CORO1C: variants seen among roughly 807,000 people sequenced by gnomAD.
The protein encoded by CORO1C is coronin 1C.
A neutral mutation model predicts 51.2 loss-of-function variants in CORO1C; 14 were observed. That is an observed-to-expected ratio of 0.27 (90% CI 0.18 to 0.43). CORO1C has a LOEUF of 0.43. CORO1C is among the 20% of genes least tolerant of loss of function. The pLI is 1.00. For missense variants in CORO1C, 417 were observed against 607.8 expected (o/e 0.69, Z 3.30); for synonymous variants, 181 against 210.5 (o/e 0.86, Z 1.21).
chr12:108,720,646 C>G (rs1679158661), intron 1 of CORO1C, among the ~76,000 whole-genome samples: 1 of 152,046 alleles, frequency 6.6e-6, no homozygotes. Flanking sequence ...CCCTCAGCCT[C>G]CTGAGTAGCT....
intron 1 of CORO1C, among the ~76,000 whole-genome samples, chr12:108,708,462 G>GTTT (rs370271921): frequency 2.1e-5 from 3 of 143,690 alleles, no homozygotes; most frequent in Non-Finnish European, 3.1e-5. Flanking sequence ...GTTGCTTAGA[G>GTTT]TTTTTTTTTT....
chr12:108,687,360 A>G (rs2034330387), intron 2 of CORO1C, among the ~76,000 whole-genome samples: 1 of 152,148 alleles, frequency 6.6e-6, no homozygotes, highest in Admixed American at 6.5e-5. Flanking sequence ...AGTGGTGCGC[A>G]CCTGTAGTCC....
chr12:108,656,299 CCCCCGCCCGGCCAGCCGCCCCG>C (rs1251728815), intron 6 of CORO1C, among the ~76,000 whole-genome samples: 3 of 44,428 alleles, frequency 6.8e-5, no homozygotes, highest in African/African-American at 2.3e-4. Flanking sequence ...GGGGGCTCAG[CCCCCGCCCGGCCAGCCGCCCCG>C]TCCGGGAGGG....
At chr12:108,703,849 AGC>A (rs2034950318) in intron 1 of CORO1C, among the ~76,000 whole-genome samples, 1 of 152,188 alleles carries the variant, frequency 6.6e-6, no homozygotes, top group African/African-American at 2.4e-5. Flanking sequence ...TGGGGCCTCC[AGC>A]CCCTTGTTCC....
intron 3 of CORO1C, among the ~76,000 whole-genome samples, chr12:108,677,210 C>T (rs1338608631): frequency 6.6e-6 from 1 of 152,188 alleles, no homozygotes; most frequent in Non-Finnish European, 1.5e-5. Context: ...GCAGCAAGTA[C>T]TCCCATTTGT....
At chr12:108,663,690 G>C (rs1231841638) in intron 3 of CORO1C, among the ~76,000 whole-genome samples, 1 of 152,174 alleles carries the variant, frequency 6.6e-6, no homozygotes. Context: ...AGTGGAGGGA[G>C]GCAGGTGGAG....
At chr12:108,682,970 C>A (rs997222800) in intron 2 of CORO1C, among the ~76,000 whole-genome samples, 2 of 152,138 alleles carry the variant, frequency 1.3e-5, no homozygotes, top group Non-Finnish European at 2.9e-5. Context: ...GAGCAATACA[C>A]AACATATCCA....
intron 2 of CORO1C, among the ~76,000 whole-genome samples, chr12:108,689,195 A>G (rs1350806854): frequency 6.6e-6 from 1 of 152,156 alleles, no homozygotes; most frequent in African/African-American, 2.4e-5. Flanking sequence ...GCGAGACTCC[A>G]TCTCTGAAAA....
chr12:108,693,029 C>A (rs2034551984), intron 2 of CORO1C, among the ~76,000 whole-genome samples: 1 of 151,976 alleles, frequency 6.6e-6, no homozygotes, highest in Non-Finnish European at 1.5e-5. Context: ...AACTGCTGAC[C>A]TCAGGTGATC....
Position 108,652,021 on chromosome 12 carries a change from T to A in CORO1C, c.1001+251A>T, listed in dbSNP as rs1265186579. On this transcript the variant is annotated intron_variant, in intron 8 of 10. Coordinates refer to ENST00000261401, the MANE Select transcript of CORO1C (RefSeq NM_014325.4). Reference sequence around the variant, plus strand: ...GCCTGGGCAACAGAGCCAGACTCCGTCTCAAAAAAAAAAAAGTGAGATTTT... The same window carrying A: ...GCCTGGGCAACAGAGCCAGACTCCGACTCAAAAAAAAAAAAGTGAGATTTT... 8 of 279,046 alleles carry A rather than the reference T, an allele frequency of 2.9e-5. No homozygotes were observed. In the Admixed American group the frequency reaches 4.1e-4, roughly 14 times the overall value. 17.3% of individuals were successfully genotyped at this position (279,046 alleles called of 1,614,324 possible).
At chr12:108,682,049 G>T (rs116850923) in intron 2 of CORO1C, among the ~76,000 whole-genome samples, 2,477 of 151,880 alleles carry the variant, frequency 0.016, 35 homozygotes, top group Non-Finnish European at 0.022. Context: ...AATTTCTGGG[G>T]GTGGGTGGGG....
At chr12:108,661,845 G>A (rs143847683) in intron 4 of CORO1C, among the ~76,000 whole-genome samples, 184 bp downstream of exon 4, 7 of 152,134 alleles carry the variant, frequency 4.6e-5, no homozygotes, top group African/African-American at 7.2e-5. Context: ...ACACACACAC[G>A]TGCACACACA....
chr12:108,724,741 G>C (rs901626697), intron 1 of CORO1C, among the ~76,000 whole-genome samples: 1 of 152,114 alleles, frequency 6.6e-6, no homozygotes, highest in Non-Finnish European at 1.5e-5. Context: ...GACCAAAGGG[G>C]AAAAAATATA....
chr12:108,660,892 G>A (rs2136810924), intron 4 of CORO1C, among the ~76,000 whole-genome samples: 1 of 152,136 alleles, frequency 6.6e-6, no homozygotes, highest in South Asian at 2.1e-4. Flanking sequence ...ATAGTTACTT[G>A]GCATTATAAT....
At position 108,658,690 on chromosome 12, in the gene CORO1C, C is replaced by T. The variant is rs775201477; in HGVS notation, c.630+48G>A. On this transcript the variant is annotated intron_variant, in intron 5 of 10. Coordinates refer to ENST00000261401, the MANE Select transcript of CORO1C (RefSeq NM_014325.4). The surrounding 1 kb of genome is among the most constrained non-coding windows in gnomAD (Gnocchi z 4.9). ...TGCCTTAAAAAGCAGAAAGCTCACACTCACTCAAGTGCTCCAACTACTGAG... is the reference window on the plus strand; with the variant it reads ...TGCCTTAAAAAGCAGAAAGCTCACATTCACTCAAGTGCTCCAACTACTGAG... 7.0e-6 allele frequency: 11 copies of T among 1,581,054 alleles called. No homozygotes were observed. Among genetic ancestry groups the T allele is most frequent in the Non-Finnish European group, 8.7e-6 (10 of 1,152,894 alleles).
rs767422590 is a variant in CORO1C, at chr12:108,658,689, A to G, written c.630+49T>C. 4.4e-5 allele frequency: 69 copies of G among 1,580,092 alleles called. No individual in the cohort carries two copies. Among genetic ancestry groups the G allele is most frequent in the Non-Finnish European group, 5.7e-5 (66 of 1,152,176 alleles). On this transcript the variant is annotated intron_variant, in intron 5 of 10. Coordinates refer to ENST00000261401, the MANE Select transcript of CORO1C (RefSeq NM_014325.4). This position sits in a 1 kb window ranked among gnomAD's most constrained non-coding sequence, Gnocchi z 4.9. ...CTGCCTTAAAAAGCAGAAAGCTCAC[A>G]CTCACTCAAGTGCTCCAACTACTGA...
At chr12:108,706,196 C>CAA (rs199929735) in intron 1 of CORO1C, among the ~76,000 whole-genome samples, 1 of 139,468 alleles carries the variant, frequency 7.2e-6, no homozygotes, top group Non-Finnish European at 1.5e-5. Context: ...CAAAAAAAAA[C>CAA]AAAAAAAACA....
chr12:108,648,743 G>C lies in CORO1C; in HGVS notation c.1167C>G (p.Ser389=). 1.2e-6 allele frequency: 2 copies of C among 1,614,172 alleles called. No homozygotes were observed. Among genetic ancestry groups the C allele is most frequent in the Non-Finnish European group, 1.7e-6 (2 of 1,180,042 alleles). ...EGKNADPILI[S]LKHGYIPGKN... is the part of the protein sequence containing the mutation. ...TGCCTGGAATGTACCCGTGCTTCAA[G>C]GAGATGAGGATTGGGTCTGCATTCT... is the stretch of plus-strand genomic sequence containing the variant. The change falls in exon 10 of 11, where the codon TCC becomes TCG. Residue 389 remains serine (S), a synonymous_variant. Coordinates refer to ENST00000261401, the MANE Select transcript of CORO1C (RefSeq NM_014325.4).
intron 3 of CORO1C, among the ~76,000 whole-genome samples, chr12:108,677,845 C>T (rs960716365): frequency 2.6e-5 from 4 of 152,026 alleles, no homozygotes; most frequent in Non-Finnish European, 5.9e-5. Flanking sequence ...ATGGTGAAAC[C>T]TCGTCTCTAT....
Sources: allele counts gnomAD v4.1 joint callset (sites outside exome capture counted in the v4.1 genomes callset), GRCh38; gene constraint gnomAD v4.1.1; non-coding constraint Gnocchi (gnomAD v3.1); transcripts MANE v1.5; gene names NCBI Gene and HGNC (gene_info 2026-07-23, HGNC 2026-07-21).